The following VSIG8 variants were observed in gnomAD, a reference collection of about 807,000 sequenced individuals.
The protein encoded by VSIG8 is V-set and immunoglobulin domain containing 8.
Under a neutral mutation model 42.6 loss-of-function variants are expected in VSIG8, and 32 were observed. That is an observed-to-expected ratio of 0.75 (90% confidence interval 0.57 to 1.01). The LOEUF (loss-of-function observed/expected upper bound fraction) is 1.01, where lower values mean the gene tolerates loss of function less well. Among genes scored for constraint, VSIG8 ranks in the 50% least tolerant of loss-of-function variants. VSIG8 has a pLI of 0.00. For missense variants in VSIG8, 529 were observed against 558.0 expected, an observed-to-expected ratio of 0.95 and a Z score of 0.52; for synonymous variants, 290 against 243.8, an observed-to-expected ratio of 1.19 and a Z score of -1.77.
Position 159,857,891 on chromosome 1 carries a change from G to T in VSIG8, c.506C>A (p.Ala169Asp). 6.2e-7 allele frequency: 1 copy of T among 1,614,212 alleles called. No individual in the cohort carries two copies. Among genetic ancestry groups the T allele is most frequent in the Middle Eastern group, 1.6e-4 (1 of 6,062 alleles). The change falls in exon 4 of 7, where the codon GCC (alanine) becomes GAC (aspartate). Residue 169 changes from alanine (A) to aspartate (D), a missense_variant. Transcript: ENST00000368100. Reference protein sequence around the residue: ...YGNDVVLKCYASGGSQPLSYK... With the variant: ...YGNDVVLKCYDSGGSQPLSYK... ...GGAGAGGGGCTGGGAGCCCCCACTG[G>T]CATAGCACTTCAGCACCACATCGTT...
At chr1:159,858,399 A>C in intron 2 of VSIG8, 108 bp from the exon 3 acceptor site, 1 of 1,167,334 alleles carries the variant, frequency 8.6e-7, no homozygotes, top group Non-Finnish European at 1.2e-6. Flanking sequence ...CTCTTTTCTC[A>C]GCTGAAAAAA....
rs1016628954 is a variant in VSIG8, at chr1:159,857,754, T to C, written c.643A>G (p.Ile215Val). The C allele has an allele frequency of 6.8e-6, 11 of 1,613,908 alleles. No homozygotes were observed. The highest frequency in any genetic ancestry group is 9.3e-6 in the Non-Finnish European group (11 of 1,179,942). The change falls in exon 4 of 7, where the codon ATA becomes GTA. Residue 215 changes from isoleucine to valine, a missense_variant. By Grantham distance (29) the Ile-to-Val change is conservative (BLOSUM62 3). Coordinates refer to ENST00000368100, the MANE Select transcript of VSIG8 (RefSeq NM_001013661.1). ...TCCAGGGCCCTCTCACCTTGGTTTA[T>C]GGAGCTGTGGAAGGACTCCTGGTAG... is the stretch of plus-strand genomic sequence containing the variant. Reference protein sequence around the residue: ...LSYQESFHSSINQGLNNGDLV... With the variant: ...LSYQESFHSSVNQGLNNGDLV...
intron 1 of VSIG8, 79 bp from the exon 2 acceptor site, chr1:159,858,991 C>G: frequency 6.8e-7 from 1 of 1,477,602 alleles, no homozygotes; most frequent in Non-Finnish European, 9.1e-7. Context: ...CCCTTCCCTT[C>G]ATATTCTCTG....
At chr1:159,855,774 G>A in intron 6 of VSIG8, 109 bp downstream of exon 6, 1 of 1,420,802 alleles carries the variant, frequency 7.0e-7, no homozygotes, top group Non-Finnish European at 9.2e-7. Flanking sequence ...TGGCGATGGC[G>A]GGCAGGGTTG....
Position 159,854,997 on chromosome 1 carries a change from G to A in VSIG8, c.1001C>T (p.Ala334Val), listed in dbSNP as rs200952561. 5,614 of 1,564,792 alleles carry A rather than the reference G, an allele frequency of 3.6e-3. 15 individuals carry two copies. Among genetic ancestry groups the A allele is most frequent in the Non-Finnish European group, 4.6e-3 (5,286 of 1,160,168 alleles). ...GGTGACGCGGCTGCCGCGCCCGCTG[G>A]CCTTGCACCCGGGCGCCACGGCGTC... ...REDAVAPGCK[A>V]SGRGSRVTHL... is the part of the protein sequence containing the mutation. Residue 334 changes from alanine (A) to valine (V), a missense_variant, in exon 7 of 7, where the codon GCC (alanine) becomes GTC (valine). Ala to Val is a moderately conservative substitution (Grantham distance 64, BLOSUM62 0). Transcript: ENST00000368100.
chr1:159,856,063 A>C lies in VSIG8; in HGVS notation c.791T>G (p.Val264Gly). 1 of 1,611,890 alleles carries C rather than the reference A, an allele frequency of 6.2e-7. No homozygotes were observed. Among genetic ancestry groups the C allele is most frequent in the Admixed American group, 1.7e-5 (1 of 59,902 alleles). The change falls in exon 6 of 7, where the codon GTG becomes GGG. Residue 264 changes from valine (V) to glycine (G), a missense_variant. Transcript: ENST00000368100. ...VKVSDSRRIG[V>G]IIGIVLGSLL... is the part of the protein sequence containing the mutation. ...AGAGCCCAGGACGATGCCGATGATCACGCCTATACGCCGGGAGTCTGTGGA... is the reference window on the plus strand; with the variant it reads ...AGAGCCCAGGACGATGCCGATGATCCCGCCTATACGCCGGGAGTCTGTGGA...
intron 1 of VSIG8, 96 bp downstream of exon 1, chr1:159,862,377 C>T (rs1649051234): frequency 7.2e-7 from 1 of 1,388,674 alleles, no homozygotes; most frequent in Non-Finnish European, 9.8e-7. Flanking sequence ...TGCCAGGCAA[C>T]TCAGGCAGCC....
intron 1 of VSIG8, among the ~76,000 whole-genome samples, chr1:159,860,225 A>C (rs1432163809): frequency 6.6e-6 from 1 of 152,226 alleles, no homozygotes; most frequent in African/African-American, 2.4e-5. Context: ...ACAGGCAAAC[A>C]AATCGGCACG....
At chr1:159,855,048 C>A (rs1478629892) in intron 6 of VSIG8, 22 bp from the exon 7 acceptor site, 7 of 1,569,670 alleles carry the variant, frequency 4.5e-6, no homozygotes, top group Admixed American at 3.7e-5. Flanking sequence ...AACAGGCGGG[C>A]GGGTGAGCGG....
chr1:159,854,861 G>C lies in VSIG8; in HGVS notation c.1137C>G (p.Ala379=). The change falls in exon 7 of 7, where the codon GCC becomes GCG. Residue 379 remains alanine (A), a synonymous_variant. Transcript: ENST00000368100. ...EDVALAPCTA[A]AACEAGPSPV... ...GGGAGGGGCCCGCTTCGCAGGCGGC[G>C]GCGGCGGTGCAGGGCGCCAGGGCCA... 30 of 1,475,302 alleles carry C rather than the reference G, an allele frequency of 2.0e-5. No individual in the cohort carries two copies. Among genetic ancestry groups the C allele is most frequent in the Non-Finnish European group, 2.4e-5 (27 of 1,122,636 alleles). The allele number at this position is 1,475,302 out of a possible 1,614,324, so 91.4% of individuals were successfully genotyped here.
intron 6 of VSIG8, chr1:159,855,607 C>T: frequency 1.0e-6 from 1 of 984,128 alleles, no homozygotes; most frequent in South Asian, 4.7e-5. Context: ...AAACATAGGC[C>T]CTGCCCTCCA....
Position 159,856,647 on chromosome 1 carries a change from AAAGTG to A in VSIG8, c.653-9_653-5del, listed in dbSNP as rs764449821. 3.7e-6 allele frequency: 6 copies of A among 1,613,490 alleles called. No homozygotes were observed. Among genetic ancestry groups the A allele is most frequent in the Admixed American group, 1.7e-5 (1 of 59,956 alleles). On this transcript the variant is annotated splice_region_variant and splice_polypyrimidine_tract_variant and intron_variant, in intron 4 of 6. Transcript: ENST00000368100. ...ACCAGGTCCCCATTGTTCAGGCCTG[AAAGTG>A]AAGTGGAGAGAGGCCTGGTCTCTGA...
chr1:159,855,116 C>T (rs1648769934), intron 6 of VSIG8, 90 bp from the exon 7 acceptor site: 4 of 1,551,496 alleles, frequency 2.6e-6, no homozygotes, highest in Admixed American at 3.9e-5. Flanking sequence ...TCTTGGCAAC[C>T]TCTTGTCTCC....
Position 159,858,745 on chromosome 1 carries a change from G to T in VSIG8, c.217C>A (p.Arg73=), listed in dbSNP as rs775698442. 7 of 1,611,486 alleles carry T rather than the reference G, an allele frequency of 4.3e-6. No individual in the cohort carries two copies. The highest frequency in any genetic ancestry group is 1.7e-5 in the Admixed American group (1 of 59,584). ...MQVNSDPAHH[R]ENVFLSYQDK... ...TGCCCAGCACTCACCACGTTCTCTC[G>T]GTGGTGGGCGGGGTCTGAGTTGACC... Residue 73 remains arginine, a synonymous_variant, in exon 2 of 7, where the codon CGA becomes AGA. Transcript: ENST00000368100.
rs1648927297 is a variant in VSIG8, at chr1:159,858,797, G to C, written c.165C>G (p.Pro55=). 1.2e-6 allele frequency: 2 copies of C among 1,613,884 alleles called. No homozygotes were observed. The highest frequency in any genetic ancestry group is 2.2e-5 in the South Asian group (2 of 91,068). Residue 55 remains proline, a synonymous_variant, in exon 2 of 7, where the codon CCC becomes CCG. Transcript: ENST00000368100. ...PYVLDPEDYG[P]NGLDIEWMQV... is the part of the protein sequence containing the mutation. ...GCATCCACTCGATGTCCAGCCCATTGGGACCATAGTCCTCAGGGTCCAGGA... is the reference window on the plus strand; with the variant it reads ...GCATCCACTCGATGTCCAGCCCATTCGGACCATAGTCCTCAGGGTCCAGGA...
intron 1 of VSIG8, chr1:159,861,580 A>G (rs2501335): frequency 0.53 from 81,104 of 152,006 alleles, 24,099 homozygotes; most frequent in Non-Finnish European, 0.66. Context: ...ATTCCCATGC[A>G]GGTGCACGCA....
Sources: gnomAD v4.1 joint callset for allele counts (sites outside exome capture counted in the v4.1 genomes callset) on GRCh38, gnomAD v4.1.1 for gene constraint, MANE v1.5 for transcripts, NCBI Gene and HGNC (gene_info 2026-07-23, HGNC 2026-07-21) for gene names.